Variants in RGS22 observed in about 807,000 individuals in gnomAD.
RGS22 encodes the protein regulator of G protein signaling 22, also known as regulator of G-protein signaling 22.
RGS22 carries 148 observed loss-of-function variants against 172.9 expected under a neutral mutation model. The ratio of observed to expected loss-of-function variants is 0.86; its 90% CI spans 0.75 to 0.98. RGS22 has a LOEUF of 0.98. Among genes scored for constraint, RGS22 ranks in the 50% least tolerant of loss-of-function variants. The pLI is 0.00. For synonymous variants in RGS22, 458 were observed against 480.2 expected, an observed-to-expected ratio of 0.95 and a Z score of 0.60; for missense variants, 1,347 against 1,440.8, an observed-to-expected ratio of 0.93 and a Z score of 1.05.
intron 2 of RGS22, among the ~76,000 whole-genome samples, chr8:100,099,016 A>T (rs1051356796): frequency 6.6e-6 from 1 of 151,830 alleles, no homozygotes; most frequent in African/African-American, 2.4e-5. Context: ...CCCAGGTTCA[A>T]GCGATTATCC....
Position 100,063,588 on chromosome 8 carries a change from G to A in RGS22, c.1180C>T (p.Pro394Ser). The A allele has an allele frequency of 6.2e-7, 1 of 1,613,916 alleles. No homozygotes were observed. Among genetic ancestry groups the A allele is most frequent in the Non-Finnish European group, 8.5e-7 (1 of 1,179,940 alleles). ...SLSSKNESAGPESRADWCISH... is the reference protein window; with the variant it reads ...SLSSKNESAGSESRADWCISH... ...ATACACCAGTCCGCCCTGCTCTCTGGTCCAGCGCTCTCATTCTTTGAACTT... is the reference window on the plus strand; with the variant it reads ...ATACACCAGTCCGCCCTGCTCTCTGATCCAGCGCTCTCATTCTTTGAACTT... Residue 394 changes from proline to serine, a missense_variant, in exon 8 of 28, where the codon CCA becomes TCA. By Grantham distance (74) the Pro-to-Ser change is moderately conservative (BLOSUM62 -1). Coordinates refer to ENST00000360863, the MANE Select transcript of RGS22 (RefSeq NM_015668.5).
intron 14 of RGS22, among the ~76,000 whole-genome samples, chr8:100,029,073 G>T (rs933011863): frequency 6.6e-6 from 1 of 152,176 alleles, no homozygotes; most frequent in African/African-American, 2.4e-5. Flanking sequence ...GCCTTTAGCT[G>T]ACTGCCAACA....
At chr8:100,015,484 G>A (rs552456591) in intron 14 of RGS22, among the ~76,000 whole-genome samples, 1 of 152,128 alleles carries the variant, frequency 6.6e-6, no homozygotes, top group South Asian at 2.1e-4. Flanking sequence ...GTAGAGACAG[G>A]GTTTCACCAT....
At chr8:99,975,964 C>T (rs1272900463) in intron 23 of RGS22, among the ~76,000 whole-genome samples, 2 of 152,022 alleles carry the variant, frequency 1.3e-5, no homozygotes, top group African/African-American at 4.8e-5. Context: ...CTGAGGTGGG[C>T]GGATCACTGG....
At chr8:99,963,823 G>A (rs1327522386) in intron 24 of RGS22, among the ~76,000 whole-genome samples, 1 of 152,042 alleles carries the variant, frequency 6.6e-6, no homozygotes, top group Non-Finnish European at 1.5e-5. Context: ...AGGAAGTCTT[G>A]GAACCACCCC....
intron 14 of RGS22, among the ~76,000 whole-genome samples, chr8:100,015,446 C>T (rs769749712): frequency 5.9e-5 from 9 of 152,096 alleles, no homozygotes; most frequent in Non-Finnish European, 1.0e-4. Flanking sequence ...GCATTCACCA[C>T]CACGCCAGGC....
At chr8:100,070,847 C>A (rs1440526409) in intron 6 of RGS22, among the ~76,000 whole-genome samples, 1 of 148,340 alleles carries the variant, frequency 6.7e-6, no homozygotes, top group Admixed American at 6.8e-5. Flanking sequence ...GTAATCCCAG[C>A]ACTTTGGGAG....
intron 22 of RGS22, 35 bp downstream of exon 22, chr8:99,981,902 T>C (rs1812592029): frequency 6.4e-7 from 1 of 1,558,106 alleles, no homozygotes; most frequent in Non-Finnish European, 8.7e-7. Flanking sequence ...CAATCTATTT[T>C]AAAATATGCT....
At chr8:100,021,874 A>G (rs745805987) in intron 14 of RGS22, among the ~76,000 whole-genome samples, 7 of 152,202 alleles carry the variant, frequency 4.6e-5, no homozygotes, top group Non-Finnish European at 8.8e-5. Context: ...TATTTACTTC[A>G]GCAAAAAGAG....
chr8:100,028,076 G>A (rs923607257), intron 14 of RGS22, among the ~76,000 whole-genome samples: 3 of 151,862 alleles, frequency 2.0e-5, no homozygotes, highest in Admixed American at 2.0e-4. Context: ...GGTAGATGTG[G>A]GGGGTCTTAG....
chr8:100,014,718 A>T (rs1209068479), intron 14 of RGS22, among the ~76,000 whole-genome samples: 1 of 152,066 alleles, frequency 6.6e-6, no homozygotes, highest in Admixed American at 6.6e-5. Context: ...TCTATGCTCA[A>T]CTACACCTTC....
intron 4 of RGS22, 78 bp downstream of exon 4, chr8:100,080,056 G>C (rs1811634959): frequency 1.0e-6 from 1 of 993,150 alleles, no homozygotes; most frequent in Admixed American, 2.2e-5. Context: ...ACTTCAAAAA[G>C]GGAAGCCTAA....
intron 23 of RGS22, among the ~76,000 whole-genome samples, chr8:99,976,436 A>G (rs1262137165): frequency 1.3e-5 from 2 of 152,024 alleles, no homozygotes; most frequent in Non-Finnish European, 2.9e-5. Flanking sequence ...ATCTCGGCTC[A>G]CTGCAAGCTC....
chr8:100,040,317 T>C (rs758749399), intron 12 of RGS22, among the ~76,000 whole-genome samples: 17 of 152,230 alleles, frequency 1.1e-4, no homozygotes, highest in Non-Finnish European at 2.5e-4. Flanking sequence ...TAAACCAATC[T>C]GATTTTAAAC....
At chr8:99,977,880 A>G (rs753555562) in intron 23 of RGS22, 37 bp downstream of exon 23, 1 of 1,517,300 alleles carries the variant, frequency 6.6e-7, no homozygotes, top group South Asian at 1.3e-5. Flanking sequence ...CATAACTTTT[A>G]AAAGTCTGAT....
At chr8:100,104,244 G>A (rs1813728749) in intron 2 of RGS22, among the ~76,000 whole-genome samples, 1 of 152,180 alleles carries the variant, frequency 6.6e-6, no homozygotes, top group Non-Finnish European at 1.5e-5. Context: ...CCTAAGCCCA[G>A]GGAAGTCAGG....
chr8:100,085,965 G>A (rs1812128401), intron 3 of RGS22, among the ~76,000 whole-genome samples: 1 of 152,174 alleles, frequency 6.6e-6, no homozygotes, highest in Non-Finnish European at 1.5e-5. Flanking sequence ...ACAAAGTAAT[G>A]TGATGGCACA....
intron 21 of RGS22, among the ~76,000 whole-genome samples, chr8:99,986,163 A>T (rs1206975186): frequency 6.6e-6 from 1 of 152,006 alleles, no homozygotes; most frequent in African/African-American, 2.4e-5. Flanking sequence ...CCAGCAGGTC[A>T]AGGCTGCAGT....
Position 100,023,365 on chromosome 8 carries a change from C to G in RGS22, c.2167-14796G>C, listed in dbSNP as rs142904162. Among the ~76,000 whole-genome samples, 394 of 152,304 alleles carry G rather than the reference C, an allele frequency of 2.6e-3. 2 individuals are homozygous for G. Among genetic ancestry groups the G allele is most frequent in the African/African-American group, 9.2e-3 (381 of 41,560 alleles). On this transcript the variant is annotated intron_variant, in intron 14 of 27. Transcript: ENST00000360863. ...CATGTCAAGGTCTGCCTCTGAGACA[C>G]TACACCTTCTGGGATGCCACTGCCA...
Sources: allele counts gnomAD v4.1 joint callset (sites outside exome capture counted in the v4.1 genomes callset), GRCh38; gene constraint gnomAD v4.1.1; transcripts MANE v1.5; gene names NCBI Gene and HGNC (gene_info 2026-07-23, HGNC 2026-07-21).